Variants in ENOX1 observed in about 807,000 individuals in gnomAD.
The protein encoded by ENOX1 is ecto-NOX disulfide-thiol exchanger 1, also known as candidate growth-related and time keeping constitutive hydroquinone (NADH) oxidase.
ENOX1 carries 42 observed loss-of-function variants against 82.5 expected under a neutral mutation model. That is an observed-to-expected ratio of 0.51 (90% CI 0.40 to 0.66). The LOEUF is 0.66. Ranked by LOEUF, ENOX1 falls within the 30% of genes least tolerant of loss-of-function variation. The pLI, the probability that ENOX1 is intolerant of heterozygous loss-of-function variation, is 0.00. For synonymous variants in ENOX1, 271 were observed against 282.2 expected (o/e 0.96, Z 0.40); for missense variants, 608 against 811.6 (o/e 0.75, Z 3.05).
At chr13:43,314,701 T>C (rs780907163) in intron 11 of ENOX1, among the ~76,000 whole-genome samples, 8 of 152,230 alleles carry the variant, frequency 5.3e-5, no homozygotes, top group Non-Finnish European at 8.8e-5. Context: ...CAGTCACACT[T>C]CAAGATTTCA....
chr13:43,562,826 T>C (rs559049125), intron 2 of ENOX1, among the ~76,000 whole-genome samples: 157 of 152,172 alleles, frequency 1.0e-3, no homozygotes, highest in Non-Finnish European at 1.8e-3. Flanking sequence ...AATCTATGGG[T>C]CAATTCAGCA....
At chr13:43,244,803 T>C (rs2043003928) in intron 14 of ENOX1, among the ~76,000 whole-genome samples, 1 of 152,140 alleles carries the variant, frequency 6.6e-6, no homozygotes, top group Non-Finnish European at 1.5e-5. Flanking sequence ...ACCACAAGGC[T>C]CGTTTTCCTT....
At chr13:43,338,109 T>G (rs973049688) in intron 9 of ENOX1, among the ~76,000 whole-genome samples, 13 of 152,182 alleles carry the variant, frequency 8.5e-5, no homozygotes, top group African/African-American at 2.9e-4. Flanking sequence ...TATCATGGAG[T>G]GTTTAAATTT....
chr13:43,698,969 T>C (rs1262661414), intron 1 of ENOX1, among the ~76,000 whole-genome samples: 6 of 152,156 alleles, frequency 3.9e-5, no homozygotes, highest in Non-Finnish European at 8.8e-5. Flanking sequence ...GGCACTGATA[T>C]CCAACATTTC....
rs558436314 is a variant in ENOX1 at position 43,535,335 on chromosome 13, C to G, written c.-218-51183G>C. On this transcript the variant is annotated intron_variant, in intron 2 of 16. Coordinates refer to ENST00000690772, the MANE Select transcript of ENOX1 (RefSeq NM_001347969.2). ...ATCACTAAAGAACTCACAGAAACAC[C>G]TAGCTGAGCAAAAACATATGAGAAG... Among the ~76,000 whole-genome samples the G allele has an allele frequency of 3.3e-5, 5 of 152,236 alleles. No homozygotes were observed. In the South Asian group the frequency reaches 8.3e-4, roughly 25 times the overall value.
At chr13:43,481,627 A>C (rs541321512) in intron 3 of ENOX1, among the ~76,000 whole-genome samples, 11 of 152,284 alleles carry the variant, frequency 7.2e-5, no homozygotes, top group African/African-American at 2.6e-4. Flanking sequence ...TATCACAAGA[A>C]AAGAACAGGT....
chr13:43,707,090 T>C (rs1454690194), intron 1 of ENOX1, among the ~76,000 whole-genome samples: 5 of 152,100 alleles, frequency 3.3e-5, no homozygotes, highest in Middle Eastern at 6.8e-3. Context: ...AGTGAATATA[T>C]GAAAATCAAC....
rs146776331 is a variant in ENOX1 at position 43,723,326 on chromosome 13, C to T, written c.-284-55782G>A. Among the ~76,000 whole-genome samples the T allele has an allele frequency of 2.1e-4, 32 of 152,234 alleles. No homozygotes were observed. In the East Asian group the frequency reaches 6.2e-3, roughly 29 times the overall value. The stretch of plus-strand genomic sequence containing the variant: ...ACTGCTCACTTCCCCACCACTTAAG[C>T]CCAGAACGTGATTAAAACCAAAATC... On this transcript the variant is annotated intron_variant, in intron 1 of 16. Coordinates refer to ENST00000690772, the MANE Select transcript of ENOX1 (RefSeq NM_001347969.2).
chr13:43,747,885 C>T (rs1950112873), intron 1 of ENOX1, among the ~76,000 whole-genome samples: 1 of 152,174 alleles, frequency 6.6e-6, no homozygotes, highest in Admixed American at 6.5e-5. Context: ...GATCTTTTGT[C>T]ACCAGTATCT....
chr13:43,324,733 C>G (rs995858091), intron 10 of ENOX1, among the ~76,000 whole-genome samples: 2 of 145,568 alleles, frequency 1.4e-5, no homozygotes, highest in Admixed American at 1.5e-4. Context: ...CTCCTAGTAC[C>G]AAACAAAGCA....
intron 14 of ENOX1, among the ~76,000 whole-genome samples, chr13:43,237,765 T>C (rs899921110): frequency 2.0e-5 from 3 of 152,132 alleles, no homozygotes; most frequent in Admixed American, 6.6e-5. Flanking sequence ...ATTGGGAGCA[T>C]GCCGAGCCTG....
intron 1 of ENOX1, among the ~76,000 whole-genome samples, chr13:43,692,269 T>C (rs1364913255): frequency 6.6e-6 from 1 of 152,198 alleles, no homozygotes; most frequent in Non-Finnish European, 1.5e-5. Flanking sequence ...ACTAAGTATC[T>C]TCCCCCAAAA....
intron 3 of ENOX1, among the ~76,000 whole-genome samples, chr13:43,417,242 C>CGGGAGAGGGAGAGGGAGA (rs66971009): frequency 0.36 from 29,195 of 81,334 alleles, 8,699 homozygotes; most frequent in Non-Finnish European, 0.51. Context: ...AGACGGGAGA[C>CGGGAGAGGGAGAGGGAGA]GGGAGAGGGA....
intron 1 of ENOX1, among the ~76,000 whole-genome samples, chr13:43,743,112 C>G (rs1949837137): frequency 6.6e-6 from 1 of 152,110 alleles, no homozygotes; most frequent in South Asian, 2.1e-4. Flanking sequence ...TGAACTCTTT[C>G]TGTCTGTTTG....
chr13:43,580,994 A>G (rs993127178), intron 2 of ENOX1, among the ~76,000 whole-genome samples: 35 of 152,264 alleles, frequency 2.3e-4, no homozygotes, highest in African/African-American at 7.5e-4. Context: ...AATATGATAG[A>G]TGAATTTATT....
intron 5 of ENOX1, among the ~76,000 whole-genome samples, chr13:43,369,017 T>C (rs925463132): frequency 2.0e-5 from 3 of 146,890 alleles, no homozygotes; most frequent in Non-Finnish European, 4.6e-5. Context: ...CACTAGCTCC[T>C]GACATTGCCC....
At chr13:43,305,479 G>A (rs1293455861) in intron 11 of ENOX1, among the ~76,000 whole-genome samples, 7 of 152,072 alleles carry the variant, frequency 4.6e-5, no homozygotes, top group Admixed American at 1.3e-4. Context: ...GGGTAATTTC[G>A]GGAGTGCAGG....
intron 10 of ENOX1, among the ~76,000 whole-genome samples, chr13:43,324,570 C>T (rs939404529): frequency 3.3e-5 from 5 of 152,250 alleles, no homozygotes; most frequent in Non-Finnish European, 5.9e-5. Context: ...ATCAATTCAG[C>T]GACATGCAAG....
intron 5 of ENOX1, among the ~76,000 whole-genome samples, chr13:43,406,799 G>T (rs1159834984): frequency 2.0e-5 from 3 of 152,036 alleles, no homozygotes; most frequent in Non-Finnish European, 4.4e-5. Context: ...GGCCAAGTAT[G>T]ATGTCTTTTT....
Sources: allele counts gnomAD v4.1 joint callset (sites outside exome capture counted in the v4.1 genomes callset), GRCh38; gene constraint gnomAD v4.1.1; transcripts MANE v1.5; gene names NCBI Gene and HGNC (gene_info 2026-07-23, HGNC 2026-07-21).